Variants in USP9X observed in about 807,000 individuals in gnomAD.
USP9X encodes ubiquitin specific peptidase 9 X-linked.
USP9X carries 7 observed loss-of-function variants against 190.3 expected under a neutral mutation model. That is an observed-to-expected ratio of 0.04 (90% CI 0.02 to 0.07). USP9X has a LOEUF of 0.07. Ranked by LOEUF, USP9X falls within the 10% of genes least tolerant of loss-of-function variation. USP9X has a pLI of 1.00. For missense variants in USP9X, 1,010 were observed against 1,916.9 expected (o/e 0.53, Z 8.83); for synonymous variants, 645 against 659.5 (o/e 0.98, Z 0.34).
intron 1 of USP9X, among the ~76,000 whole-genome samples, chrX:41,094,184 C>CTTTCT (rs2061973132): frequency 1.0e-5 from 1 of 100,091 alleles, no homozygotes; most frequent in African/African-American, 3.7e-5. Flanking sequence ...TTTCTTTTTT[C>CTTTCT]TTTTTTTTTG....
At chrX:41,196,801 A>T (rs7060573) in intron 28 of USP9X, 63 bp downstream of exon 28, 1 of 947,670 alleles carries the variant, frequency 1.1e-6, no homozygotes, top group Non-Finnish European at 1.4e-6. Context: ...TTTATTGATG[A>T]TTTATATTTT....
chrX:41,204,222 C>T (rs767195691), intron 31 of USP9X, among the ~76,000 whole-genome samples: 35 of 111,467 alleles, frequency 3.1e-4, no homozygotes, highest in Non-Finnish European at 5.8e-4. Flanking sequence ...TATTATTGGC[C>T]ACTTGTTGAT....
In USP9X at chrX:41,234,374, G is replaced by A. The variant is rs1279386561; in HGVS notation, c.*1850G>A. 6 of 111,798 alleles carry A rather than the reference G, an allele frequency of 5.4e-5. No individual in the cohort carries two copies. Among genetic ancestry groups the A allele is most frequent in the Admixed American group, 3.8e-4 (4 of 10,426 alleles). The allele number at this position is 111,798 out of a possible 1,213,427, so 9.2% of individuals were successfully genotyped here. On this transcript the variant is annotated 3_prime_UTR_variant, in exon 45 of 45. Coordinates refer to ENST00000378308, the MANE Select transcript of USP9X (RefSeq NM_001039591.3). ...CTGAACAAAGCAGAAACAAAATTGAGCATTGCATTATTTTGTGATTAAAAG... is the reference window on the plus strand; with the variant it reads ...CTGAACAAAGCAGAAACAAAATTGAACATTGCATTATTTTGTGATTAAAAG...
intron 21 of USP9X, among the ~76,000 whole-genome samples, chrX:41,177,422 G>C (rs1355191379): frequency 1.8e-5 from 2 of 112,006 alleles, no homozygotes; most frequent in African/African-American, 3.2e-5. Context: ...GGTCTTATCT[G>C]TTCTGATGAT....
intron 1 of USP9X, among the ~76,000 whole-genome samples, chrX:41,118,968 G>T (rs779745243): frequency 9.0e-6 from 1 of 111,655 alleles, no homozygotes; most frequent in Non-Finnish European, 1.9e-5. Flanking sequence ...AGTGTCTAAT[G>T]ATGAGAAGAG....
At chrX:41,099,998 A>G (rs1475080884) in intron 1 of USP9X, among the ~76,000 whole-genome samples, 1 of 111,997 alleles carries the variant, frequency 8.9e-6, no homozygotes, top group Non-Finnish European at 1.9e-5. Context: ...CCATTTGCCC[A>G]TCAATCAGCT....
chrX:41,086,532 A>T (rs1267983774), intron 1 of USP9X, among the ~76,000 whole-genome samples: 1 of 111,872 alleles, frequency 8.9e-6, no homozygotes, highest in Non-Finnish European at 1.9e-5. Flanking sequence ...GTCTGGTTCC[A>T]CTTGACACCA....
rs2147074932 is a variant in USP9X at position 41,150,972 on chromosome X, C to T, written c.1678C>T (p.Arg560Cys). ...GATAGATCGCTTTATAGAAGAACTT[C>T]GCACAAATGACAAATGGGTTATTCC... Reference protein sequence around the residue: ...QWIDRFIEELRTNDKWVIPAL... With the variant: ...QWIDRFIEELCTNDKWVIPAL... Residue 560 changes from arginine to cysteine, a missense_variant, in exon 13 of 45, where the codon CGC (arginine) becomes TGC (cysteine). Coordinates refer to ENST00000378308, the MANE Select transcript of USP9X (RefSeq NM_001039591.3). 2 of 1,207,308 alleles carry T rather than the reference C, an allele frequency of 1.7e-6. No individual in the cohort carries two copies. Among genetic ancestry groups the T allele is most frequent in the African/African-American group, 1.7e-5 (1 of 57,660 alleles).
chrX:41,149,671 T>C (rs2062504166), intron 12 of USP9X, among the ~76,000 whole-genome samples: 1 of 109,640 alleles, frequency 9.1e-6, no homozygotes, highest in African/African-American at 3.3e-5. Context: ...TTCATTAGTG[T>C]TTATGGACAT....
At chrX:41,227,753 T>A (rs1038624626) in intron 41 of USP9X, among the ~76,000 whole-genome samples, 7 of 110,031 alleles carry the variant, frequency 6.4e-5, no homozygotes, top group African/African-American at 2.0e-4. Flanking sequence ...CAGGCTGGAG[T>A]GCAGTGGCGC....
chrX:41,191,849 G>A (rs2062938289), intron 26 of USP9X, among the ~76,000 whole-genome samples: 1 of 112,049 alleles, frequency 8.9e-6, no homozygotes, highest in Non-Finnish European at 1.9e-5. Flanking sequence ...AAGGTTTTGT[G>A]CAGGATGTAG....
At chrX:41,139,822 A>G (rs1365009589) in intron 6 of USP9X, among the ~76,000 whole-genome samples, 1 of 111,837 alleles carries the variant, frequency 8.9e-6, no homozygotes, top group Non-Finnish European at 1.9e-5. Flanking sequence ...GAAATTGTGT[A>G]TTTTGCTCCT....
At chrX:41,089,931 T>G (rs913908236) in intron 1 of USP9X, among the ~76,000 whole-genome samples, 2 of 66,772 alleles carry the variant, frequency 3.0e-5, no homozygotes, top group Admixed American at 1.7e-4. Flanking sequence ...TTTTTTTTTT[T>G]GAGACAGATT....
At position 41,188,089 on chromosome X, in the gene USP9X, A is replaced by G. The variant is rs758021192; in HGVS notation, c.3782A>G (p.Asn1261Ser). ...TCGTTACAGCTAGTATTTAGCCCAA[A>G]TGAAGAAATCACTAAAATTTATGAG... ...CGSLQLVFSP[N>S]EEITKIYEKT... Residue 1261 changes from asparagine (N) to serine (S), a missense_variant, in exon 25 of 45, where the codon AAT becomes AGT. By Grantham distance (46) the Asn-to-Ser change is conservative. This residue lies in a region of USP9X where 351 missense variants were observed against 480.8 expected (regional missense o/e 0.73). Transcript: ENST00000378308. The G allele has an allele frequency of 8.3e-7, 1 of 1,208,914 alleles. No homozygotes were observed. Among genetic ancestry groups the G allele is most frequent in the African/African-American group, 1.7e-5 (1 of 57,738 alleles).
At chrX:41,119,761 C>T (rs1031869118) in intron 1 of USP9X, among the ~76,000 whole-genome samples, 2 of 112,510 alleles carry the variant, frequency 1.8e-5, no homozygotes, top group African/African-American at 3.2e-5. Context: ...ACCCGGGAGG[C>T]GGAGGTTGCG....
chrX:41,179,713 A>G (rs752374670), intron 21 of USP9X, among the ~76,000 whole-genome samples: 1 of 112,034 alleles, frequency 8.9e-6, no homozygotes, highest in African/African-American at 3.2e-5. Context: ...GGAGTTGGAA[A>G]GGCTTCTTAA....
Position 41,205,150 on chromosome X carries a change from A to G in USP9X, c.4825-153A>G, listed in dbSNP as rs1235188635. ...ATAACTAATATGTGAAATGGTGGGGATAAACACTAAATAACTAAAAATTTA... is the reference window on the plus strand; with the variant it reads ...ATAACTAATATGTGAAATGGTGGGGGTAAACACTAAATAACTAAAAATTTA... On this transcript the variant is annotated intron_variant, in intron 31 of 44. Coordinates refer to ENST00000378308, the MANE Select transcript of USP9X (RefSeq NM_001039591.3). 9.4e-6 allele frequency: 4 copies of G among 426,514 alleles called. No homozygotes were observed. The East Asian group carries it at 1.6e-4, about 17-fold the overall frequency. 35.1% of individuals were successfully genotyped at this position (426,514 alleles called of 1,213,427 possible). A position where few individuals can be genotyped will look rare whatever the true frequency, so the allele number is the denominator to read the frequency against.
chrX:41,098,444 C>T lies in USP9X; in HGVS notation c.-159+12335C>T, dbSNP rs188129751. 6.5e-5 allele frequency among the ~76,000 whole-genome samples: 7 copies of T among 107,111 alleles called. No individual in the cohort carries two copies. In the Admixed American group the frequency reaches 7.0e-4, roughly 11 times the overall value. The allele number at this position is 107,111 out of a possible 115,157, so 93.0% of individuals were successfully genotyped here. A position where few individuals can be genotyped will look rare whatever the true frequency, so the allele number is the denominator to read the frequency against. ...CGTGAGCCACCGTGCCCAGCCTGAC[C>T]TCTGTCTTTTAATGAATGTTATGCC... On this transcript the variant is annotated intron_variant, in intron 1 of 44. Coordinates refer to ENST00000378308, the MANE Select transcript of USP9X (RefSeq NM_001039591.3).
At chrX:41,192,504 G>A (rs761102144) in intron 26 of USP9X, among the ~76,000 whole-genome samples, 37 of 111,843 alleles carry the variant, frequency 3.3e-4, no homozygotes, top group Admixed American at 1.1e-3. Flanking sequence ...TCTCTGATCC[G>A]AGAAAGCATT....
Sources: allele counts gnomAD v4.1 joint callset (sites outside exome capture counted in the v4.1 genomes callset), GRCh38; gene constraint gnomAD v4.1.1; regional missense constraint gnomAD v4.1.1; transcripts MANE v1.5; gene names NCBI Gene and HGNC (gene_info 2026-07-23, HGNC 2026-07-21).